CCDC38: variants seen among roughly 807,000 people sequenced by gnomAD.
CCDC38 encodes the protein coiled-coil domain containing 38, also known as coiled-coil domain-containing protein 38.
In CCDC38, 69 loss-of-function variants were observed where a neutral mutation model predicts 72.8. The ratio of observed to expected loss-of-function variants is 0.95; its 90% confidence interval spans 0.78 to 1.16. The LOEUF (loss-of-function observed/expected upper bound fraction) is 1.16, where lower values mean the gene tolerates loss of function less well. CCDC38 is among the 50% of genes most tolerant of loss of function. The probability of loss-of-function intolerance (pLI) is 0.00; values close to 1 mark genes in which losing one functional copy is unlikely to be tolerated. For missense variants in CCDC38, 626 were observed against 638.9 expected, an observed-to-expected ratio of 0.98 and a Z score of 0.22; for synonymous variants, 201 against 213.2, an observed-to-expected ratio of 0.94 and a Z score of 0.50.
intron 5 of CCDC38, among the ~76,000 whole-genome samples, chr12:95,904,979 G>C (rs756815528): frequency 6.6e-6 from 1 of 152,110 alleles, no homozygotes; most frequent in Non-Finnish European, 1.5e-5. Flanking sequence ...TTGGCTCCAG[G>C]ATCCCCAAGG....
chr12:95,933,409 A>T (rs1424170400), intron 2 of CCDC38: 1 of 152,224 alleles, frequency 6.6e-6, no homozygotes, highest in Admixed American at 6.5e-5. Flanking sequence ...CAGAAGAAGA[A>T]ACATTTATGG....
At chr12:95,916,369 T>TTGCCTGCCTGCC (rs200897943) in intron 4 of CCDC38, among the ~76,000 whole-genome samples, 2 of 137,548 alleles carry the variant, frequency 1.5e-5, no homozygotes, top group Non-Finnish European at 3.1e-5. Context: ...TTTTTTTAAG[T>TTGCCTGCCTGCC]TGCCTGCCTG....
At chr12:95,877,923 T>C (rs2079652665) in intron 13 of CCDC38, among the ~76,000 whole-genome samples, 1 of 152,224 alleles carries the variant, frequency 6.6e-6, no homozygotes, top group Non-Finnish European at 1.5e-5. Context: ...CTACTACATA[T>C]GTCTAGGCTC....
At chr12:95,913,484 C>G (rs991750949) in intron 4 of CCDC38, among the ~76,000 whole-genome samples, 9 of 152,306 alleles carry the variant, frequency 5.9e-5, no homozygotes, top group African/African-American at 2.2e-4. Flanking sequence ...ACTCCAGCAA[C>G]ATCCTAGACA....
intron 14 of CCDC38, among the ~76,000 whole-genome samples, chr12:95,871,938 TA>T (rs1195235795): frequency 6.6e-6 from 1 of 152,172 alleles, no homozygotes; most frequent in Admixed American, 6.5e-5. Flanking sequence ...AAATTTCATA[TA>T]ATTACAAAGA....
chr12:95,869,362 A>T, intron 15 of CCDC38, 118 bp downstream of exon 15: 1 of 721,218 alleles, frequency 1.4e-6, no homozygotes, highest in Non-Finnish European at 2.3e-6. Context: ...TGTAGCTGTG[A>T]GCAAGAAAGA....
chr12:95,881,473 T>C lies in CCDC38; in HGVS notation c.990+12A>G. 3 of 1,597,964 alleles carry C rather than the reference T, an allele frequency of 1.9e-6. No homozygotes were observed. Among genetic ancestry groups the C allele is most frequent in the South Asian group, 2.2e-5 (2 of 89,244 alleles). On this transcript the variant is annotated intron_variant, in intron 11 of 15. Transcript: ENST00000344280. ...AACCCAATATTTAAACTAGCAAATA[T>C]AATCTGGTTACCAAATCAACGTCCA...
At chr12:95,937,278 G>A (rs1381279475) in intron 1 of CCDC38, among the ~76,000 whole-genome samples, 2 of 152,116 alleles carry the variant, frequency 1.3e-5, no homozygotes, top group African/African-American at 4.8e-5. Flanking sequence ...CTGGCCCACA[G>A]AACTTGTCTC....
chr12:95,925,648 G>T (rs1592801565), intron 2 of CCDC38, among the ~76,000 whole-genome samples: 1 of 152,108 alleles, frequency 6.6e-6, no homozygotes, highest in Admixed American at 6.6e-5. Flanking sequence ...TCCAGTTTTT[G>T]CCCATTCAGT....
At chr12:95,907,725 A>G (rs193069300) in intron 4 of CCDC38, among the ~76,000 whole-genome samples, 3 of 138,644 alleles carry the variant, frequency 2.2e-5, no homozygotes, top group East Asian at 4.5e-4. Flanking sequence ...CTTCTCAGAC[A>G]GGGCGGTTGC....
intron 5 of CCDC38, among the ~76,000 whole-genome samples, chr12:95,905,954 T>A (rs2079996661): frequency 6.6e-6 from 1 of 152,160 alleles, no homozygotes; most frequent in Admixed American, 6.5e-5. Flanking sequence ...CTGGAGGGAT[T>A]CTAGAATTGT....
intron 3 of CCDC38, among the ~76,000 whole-genome samples, chr12:95,917,995 T>C (rs1323453755): frequency 6.6e-6 from 1 of 152,182 alleles, no homozygotes; most frequent in Non-Finnish European, 1.5e-5. Context: ...TCAATTTAAT[T>C]TTAAGTATGT....
intron 8 of CCDC38, among the ~76,000 whole-genome samples, chr12:95,891,429 T>A (rs1227852581): frequency 6.6e-6 from 1 of 152,208 alleles, no homozygotes; most frequent in Non-Finnish European, 1.5e-5. Flanking sequence ...CACTGCAGCC[T>A]TGACCTCCTG....
intron 2 of CCDC38, chr12:95,934,756 C>T (rs2080374554): frequency 6.6e-6 from 1 of 151,366 alleles, no homozygotes; most frequent in Non-Finnish European, 1.5e-5. Context: ...CACCTGTAGT[C>T]CCAGCACTTT....
chr12:95,900,392 C>T (rs1327663721), intron 5 of CCDC38, among the ~76,000 whole-genome samples: 6 of 152,128 alleles, frequency 3.9e-5, no homozygotes, highest in Admixed American at 1.3e-4. Flanking sequence ...ACCTTGTTAT[C>T]GTCTTTATTC....
intron 10 of CCDC38, among the ~76,000 whole-genome samples, chr12:95,887,472 A>G (rs746055440): frequency 2.0e-5 from 3 of 152,264 alleles, no homozygotes; most frequent in Non-Finnish European, 2.9e-5. Flanking sequence ...GAATCTCCAG[A>G]GAATTATGCT....
chr12:95,921,033 C>T (rs533720428), intron 2 of CCDC38, among the ~76,000 whole-genome samples: 18 of 151,532 alleles, frequency 1.2e-4, no homozygotes, highest in Middle Eastern at 6.8e-3. Context: ...GAGGCTAAGT[C>T]AGGAGAATCA....
chr12:95,886,401 G>T (rs1565946551), intron 10 of CCDC38, among the ~76,000 whole-genome samples: 1 of 152,042 alleles, frequency 6.6e-6, no homozygotes, highest in African/African-American at 2.4e-5. Context: ...TGAGTCTAAG[G>T]CTAGGGAAAA....
intron 10 of CCDC38, among the ~76,000 whole-genome samples, chr12:95,883,692 T>C (rs1341655275): frequency 6.6e-6 from 1 of 152,202 alleles, no homozygotes; most frequent in Non-Finnish European, 1.5e-5. Context: ...TGCAATCAAC[T>C]TGGCTGTCTT....
Sources: allele counts gnomAD v4.1 joint callset (sites outside exome capture counted in the v4.1 genomes callset), GRCh38; gene constraint gnomAD v4.1.1; transcripts MANE v1.5; gene names NCBI Gene and HGNC (gene_info 2026-07-23, HGNC 2026-07-21).